OPN4: variants seen among roughly 807,000 people sequenced by gnomAD.
OPN4 encodes melanopsin.
OPN4 carries 43 observed loss-of-function variants against 49.5 expected under a neutral mutation model. The observed-to-expected ratio is 0.87, with a 90% CI of 0.68 to 1.12. OPN4 has a LOEUF of 1.12. Ranked by LOEUF, OPN4 falls within the 50% of genes most tolerant of loss-of-function variation. OPN4 has a pLI of 0.00. For missense variants in OPN4, 657 were observed against 643.9 expected (o/e 1.02, Z -0.22); for synonymous variants, 263 against 258.0 (o/e 1.02, Z -0.19).
Position 86,666,421 on chromosome 10 carries a change from T to TG in OPN4, c.*670_*671insG. On this transcript the variant is annotated 3_prime_UTR_variant, in exon 10 of 10. Transcript: ENST00000241891. Reference sequence around the variant, plus strand: ...CCAGGGCTGTGTGGATCTGACAGGGTATAGGAAAATAAAAAGCGGAGAAGG... The same window carrying TG: ...CCAGGGCTGTGTGGATCTGACAGGGTGATAGGAAAATAAAAAGCGGAGAAGG... The TG allele has an allele frequency of 4.9e-6, 1 of 205,578 alleles. No homozygotes were observed. Among genetic ancestry groups the TG allele is most frequent in the Non-Finnish European group, 1.0e-5 (1 of 99,162 alleles). The allele number at this position is 205,578 out of a possible 1,614,324, so 12.7% of individuals were successfully genotyped here. A position where few individuals can be genotyped will look rare whatever the true frequency, so the allele number is the denominator to read the frequency against.
intron 2 of OPN4, 68 bp from the exon 3 acceptor site, chr10:86,657,964 G>T: frequency 6.5e-7 from 1 of 1,542,576 alleles, no homozygotes; most frequent in Non-Finnish European, 8.8e-7. Flanking sequence ...TACCTGAGGG[G>T]TGCGGGAAGC....
In OPN4 at chr10:86,661,385, A is replaced by G. The variant is rs372004343; in HGVS notation, c.1070A>G (p.Tyr357Cys). Residue 357 changes from tyrosine to cysteine, a missense_variant, in exon 7 of 10, where the codon TAC (tyrosine) becomes TGC (cysteine). By Grantham distance (194) the Tyr-to-Cys change is radical. Coordinates refer to ENST00000241891, the MANE Select transcript of OPN4 (RefSeq NM_033282.4). ...PIIYAITHPK[Y>C]RVAIAQHLPC... ...ATTTACGCCATCACCCACCCCAAGT[A>G]CAGGTGTGGCTCTTTTCCAGAACCC... 2.4e-5 allele frequency: 39 copies of G among 1,612,418 alleles called. No homozygotes were observed. The highest frequency in any genetic ancestry group is 3.3e-5 in the Non-Finnish European group (39 of 1,178,688).
intron 8 of OPN4, among the ~76,000 whole-genome samples, chr10:86,662,814 C>T (rs1210651763): frequency 2.0e-5 from 3 of 152,254 alleles, no homozygotes; most frequent in Non-Finnish European, 4.4e-5. Flanking sequence ...CTTGGAGCTC[C>T]TTGCTCCTCA....
chr10:86,665,292 C>A (rs1444939387), intron 9 of OPN4, among the ~76,000 whole-genome samples: 1 of 151,980 alleles, frequency 6.6e-6, no homozygotes, highest in Non-Finnish European at 1.5e-5. Flanking sequence ...GACCTGGGGA[C>A]AGGAAGCCCT....
chr10:86,657,160 T>C, intron 2 of OPN4: 1 of 779,872 alleles, frequency 1.3e-6, no homozygotes, highest in South Asian at 1.3e-5. Flanking sequence ...ACGTCATTTC[T>C]CCTCCTTGAG....
rs552703775 is a variant in OPN4, at chr10:86,656,018, G to A, written c.145-137G>A. The A allele has an allele frequency of 6.3e-5, 67 of 1,066,744 alleles. 1 individual carries two copies. Among genetic ancestry groups the A allele is most frequent in the Middle Eastern group, 2.3e-4 (1 of 4,366 alleles). 66.1% of individuals were successfully genotyped at this position (1,066,744 alleles called of 1,614,324 possible). The stretch of plus-strand genomic sequence containing the variant: ...TTCTGCTTTTGGCCACTTGTGAGCT[G>A]TGTGTGCAACTGGCTTTGCCACTCT... On this transcript the variant is annotated intron_variant, in intron 1 of 9. Coordinates refer to ENST00000241891, the MANE Select transcript of OPN4 (RefSeq NM_033282.4).
chr10:86,655,546 C>G (rs886455213), intron 1 of OPN4, among the ~76,000 whole-genome samples: 1 of 152,192 alleles, frequency 6.6e-6, no homozygotes, highest in Non-Finnish European at 1.5e-5. Flanking sequence ...TTTGTCCTGA[C>G]CTGATATGGT....
At position 86,666,015 on chromosome 10, in the gene OPN4, A is replaced by C; in HGVS notation, c.*264A>C. On this transcript the variant is annotated 3_prime_UTR_variant, in exon 10 of 10. Transcript: ENST00000241891. ...GAGGGGTATGTGCCCAGGCCCTCCCACTTCCCGAGTTGTCTGCCTCTCCTC... is the reference window on the plus strand; with the variant it reads ...GAGGGGTATGTGCCCAGGCCCTCCCCCTTCCCGAGTTGTCTGCCTCTCCTC... 2 of 514,584 alleles carry C rather than the reference A, an allele frequency of 3.9e-6. No homozygotes were observed. Among genetic ancestry groups the C allele is most frequent in the Non-Finnish European group, 3.4e-6 (1 of 291,320 alleles). 31.9% of individuals were successfully genotyped at this position (514,584 alleles called of 1,614,324 possible). A position where few individuals can be genotyped will look rare whatever the true frequency, so the allele number is the denominator to read the frequency against.
intron 2 of OPN4, among the ~76,000 whole-genome samples, chr10:86,656,944 C>CAAA (rs10718951): frequency 5.4e-5 from 4 of 73,416 alleles, no homozygotes; most frequent in African/African-American, 5.9e-5. Context: ...GACTCCATCT[C>CAAA]AAAAAAAAAA....
intron 5 of OPN4, 36 bp from the exon 6 acceptor site, chr10:86,659,859 G>T: frequency 1.2e-6 from 2 of 1,607,430 alleles, no homozygotes; most frequent in South Asian, 2.2e-5. Context: ...ACTGCCACCC[G>T]ACTAGGGTCA....
intron 8 of OPN4, among the ~76,000 whole-genome samples, 154 bp downstream of exon 8, chr10:86,662,586 C>T (rs1844040346): frequency 6.6e-6 from 1 of 152,262 alleles, no homozygotes; most frequent in African/African-American, 2.4e-5. Flanking sequence ...CCCCTCCCAA[C>T]ACCCCCATGA....
chr10:86,664,759 G>T (rs1007773927), intron 9 of OPN4, among the ~76,000 whole-genome samples: 2 of 152,116 alleles, frequency 1.3e-5, no homozygotes, highest in Non-Finnish European at 2.9e-5. Flanking sequence ...CGGGGGCCCC[G>T]CACCCTGTCC....
chr10:86,663,158 A>G (rs551778009), intron 8 of OPN4, among the ~76,000 whole-genome samples: 3 of 152,048 alleles, frequency 2.0e-5, no homozygotes, highest in African/African-American at 7.2e-5. Context: ...TCCTGTTCCC[A>G]CCACACTTGG....
chr10:86,660,928 A>G (rs1471217211), intron 6 of OPN4, among the ~76,000 whole-genome samples: 1 of 152,208 alleles, frequency 6.6e-6, no homozygotes, highest in East Asian at 1.9e-4. Flanking sequence ...GGAGTTCGAG[A>G]TTAGCCTGGC....
At chr10:86,661,539 G>A in intron 7 of OPN4, 151 bp downstream of exon 7, 1 of 631,380 alleles carries the variant, frequency 1.6e-6, no homozygotes, top group Non-Finnish European at 2.8e-6. Flanking sequence ...GTGGGGTCTG[G>A]AGTTGGTGTG....
rs1844164805 is a variant in OPN4, at chr10:86,665,945, C to T, written c.*194C>T. ...CAAAACTCCTGCCCCATAACGTCCT[C>T]CGCATCCACTTTCCAGCTCAGCAGC... On this transcript the variant is annotated 3_prime_UTR_variant, in exon 10 of 10. Coordinates refer to ENST00000241891, the MANE Select transcript of OPN4 (RefSeq NM_033282.4). 1 of 578,008 alleles carries T rather than the reference C, an allele frequency of 1.7e-6. No individual in the cohort carries two copies. Among genetic ancestry groups the T allele is most frequent in the Admixed American group, 3.3e-5 (1 of 30,050 alleles). The allele number at this position is 578,008 out of a possible 1,614,324, so 35.8% of individuals were successfully genotyped here.
intron 8 of OPN4, among the ~76,000 whole-genome samples, chr10:86,663,159 C>T (rs1389762250): frequency 6.6e-6 from 1 of 152,202 alleles, no homozygotes; most frequent in Non-Finnish European, 1.5e-5. Context: ...CCTGTTCCCA[C>T]CACACTTGGG....
rs778817711 is a variant in OPN4, at chr10:86,659,909, T to G, written c.815T>G (p.Phe272Cys). ...GTCCTTCCTAGGGCTCTCCAGACCT[T>G]CGGGGCCTGCAAGGGCAATGGCGAG... is the stretch of plus-strand genomic sequence containing the variant. The part of the protein sequence containing the change: ...IRETGRALQT[F>C]GACKGNGESL... Residue 272 changes from phenylalanine (F) to cysteine (C), a missense_variant, in exon 6 of 10, where the codon TTC becomes TGC. Phe to Cys is a radical substitution (Grantham distance 205). Coordinates refer to ENST00000241891, the MANE Select transcript of OPN4 (RefSeq NM_033282.4). 4.3e-6 allele frequency: 7 copies of G among 1,614,062 alleles called. No homozygotes were observed. Among genetic ancestry groups the G allele is most frequent in the Non-Finnish European group, 5.9e-6 (7 of 1,180,034 alleles).
chr10:86,661,482 G>A, intron 7 of OPN4, 94 bp downstream of exon 7: 6 of 903,674 alleles, frequency 6.6e-6, no homozygotes, highest in Non-Finnish European at 1.0e-5. Flanking sequence ...TCTCGTGTGT[G>A]TGTAGAATGG....
Sources: allele counts gnomAD v4.1 joint callset (sites outside exome capture counted in the v4.1 genomes callset), GRCh38; gene constraint gnomAD v4.1.1; transcripts MANE v1.5; gene names NCBI Gene and HGNC (gene_info 2026-07-23, HGNC 2026-07-21).